The following PDE3B variants were observed in gnomAD, a reference collection of about 807,000 sequenced individuals.
PDE3B encodes cGMP-inhibited 3',5'-cyclic phosphodiesterase 3B.
A neutral mutation model predicts 116.8 loss-of-function variants in PDE3B; 66 were observed. That is an observed-to-expected ratio of 0.56 (90% CI 0.46 to 0.69). The LOEUF is 0.69. Ranked by LOEUF, PDE3B falls within the 30% of genes least tolerant of loss-of-function variation. The pLI, the probability that PDE3B is intolerant of heterozygous loss-of-function variation, is 0.00. For synonymous variants in PDE3B, 595 were observed against 533.6 expected (o/e 1.12, Z -1.59); for missense variants, 1,384 against 1,368.1 (o/e 1.01, Z -0.18).
rs1268009260 is a variant in PDE3B at position 14,869,398 on chromosome 11, A to G, written c.3140-63A>G. The G allele has an allele frequency of 1.0e-5, 14 of 1,401,336 alleles. 1 individual carries two copies. In the East Asian group the frequency reaches 1.4e-4, roughly 14 times the overall value. The allele number at this position is 1,401,336 out of a possible 1,614,324, so 86.8% of individuals were successfully genotyped here. A position where few individuals can be genotyped will look rare whatever the true frequency, so the allele number is the denominator to read the frequency against. On this transcript the variant is annotated intron_variant, in intron 15 of 15. Transcript: ENST00000282096. Reference sequence around the variant, plus strand: ...CTTAGATACCTAGAATAGGCACTTAATATTTGTTGAATGATTAAATCATAT... The same window carrying G: ...CTTAGATACCTAGAATAGGCACTTAGTATTTGTTGAATGATTAAATCATAT...
At chr11:14,865,575 GT>G (rs1555007913) in intron 14 of PDE3B, among the ~76,000 whole-genome samples, 3 of 152,094 alleles carry the variant, frequency 2.0e-5, no homozygotes, top group African/African-American at 7.2e-5. Flanking sequence ...ATACTCTGCT[GT>G]TTATAAGTTA....
intron 11 of PDE3B, among the ~76,000 whole-genome samples, chr11:14,840,885 G>C (rs1860200867): frequency 6.6e-6 from 1 of 152,106 alleles, no homozygotes; most frequent in Admixed American, 6.5e-5. Context: ...TGGACAAGGT[G>C]TTTTAGTTAG....
At chr11:14,666,287 A>G (rs1371049791) in intron 1 of PDE3B, among the ~76,000 whole-genome samples, 3 of 149,486 alleles carry the variant, frequency 2.0e-5, no homozygotes, top group African/African-American at 7.5e-5. Context: ...TTAATTCAAG[A>G]TGGATTAAAG....
intron 1 of PDE3B, among the ~76,000 whole-genome samples, chr11:14,734,597 T>A (rs1304693020): frequency 6.6e-6 from 1 of 152,208 alleles, no homozygotes; most frequent in East Asian, 1.9e-4. Flanking sequence ...ATATTAATAA[T>A]ATGAAGTATA....
rs1207065287 is a variant in PDE3B at position 14,660,328 on chromosome 11, G to A, written c.978+15275G>A. Reference sequence around the variant, plus strand: ...TCTTTTTTTTTTTTTTTGAGGTGGGGTCTCGCCCTGTTGCCCAGGCTGGAG... The same window carrying A: ...TCTTTTTTTTTTTTTTTGAGGTGGGATCTCGCCCTGTTGCCCAGGCTGGAG... On this transcript the variant is annotated intron_variant, in intron 1 of 15. Transcript: ENST00000282096. Among the ~76,000 whole-genome samples the A allele has an allele frequency of 4.7e-5, 7 of 150,258 alleles. No homozygotes were observed. In the East Asian group the frequency reaches 1.4e-3, roughly 29 times the overall value.
the PDE3B span, among the ~76,000 whole-genome samples, chr11:14,889,921 G>T: frequency 6.6e-6 from 1 of 152,082 alleles, no homozygotes; most frequent in Non-Finnish European, 1.5e-5. Flanking sequence ...GAGGTCAGGA[G>T]ATCGAGACCA....
At chr11:14,702,814 C>T (rs1855408829) in intron 1 of PDE3B, among the ~76,000 whole-genome samples, 1 of 151,766 alleles carries the variant, frequency 6.6e-6, no homozygotes, top group Non-Finnish European at 1.5e-5. Context: ...TATAACATAC[C>T]TTAGAATTGT....
chr11:14,722,071 A>T (rs894185418), intron 1 of PDE3B, among the ~76,000 whole-genome samples: 1 of 151,350 alleles, frequency 6.6e-6, no homozygotes, highest in South Asian at 2.1e-4. Flanking sequence ...AAAAAACAAA[A>T]CACCGCATGT....
At chr11:14,762,549 C>T (rs1408162923) in intron 1 of PDE3B, among the ~76,000 whole-genome samples, 4 of 152,092 alleles carry the variant, frequency 2.6e-5, no homozygotes, top group Non-Finnish European at 5.9e-5. Context: ...TAGGCTTTTA[C>T]TCAGGTTGAG....
Position 14,687,173 on chromosome 11 carries a change from AAAGTT to A in PDE3B, c.978+42124_978+42128del, listed in dbSNP as rs1323751607. 9.8e-5 allele frequency among the ~76,000 whole-genome samples: 15 copies of A among 152,326 alleles called. No individual in the cohort carries two copies. The East Asian group carries it at 1.2e-3, about 12-fold the overall frequency. ...ATGAATTAGCCGAACAATTTGAACA[AAAGTT>A]AAGATAATAGACATTTAGAATGCTT... On this transcript the variant is annotated intron_variant, in intron 1 of 15. Transcript: ENST00000282096.
chr11:14,710,707 A>G (rs1248608482), intron 1 of PDE3B, among the ~76,000 whole-genome samples: 4 of 152,184 alleles, frequency 2.6e-5, no homozygotes, highest in Non-Finnish European at 4.4e-5. Flanking sequence ...GGGAGGGCGA[A>G]AAAGAGAGGG....
At chr11:14,799,826 A>T (rs371401005) in intron 4 of PDE3B, among the ~76,000 whole-genome samples, 29 of 136,308 alleles carry the variant, frequency 2.1e-4, no homozygotes, top group African/African-American at 7.5e-4. Context: ...TTTGAGCCTG[A>T]TGTGTCTTTA....
intron 1 of PDE3B, among the ~76,000 whole-genome samples, chr11:14,742,235 G>GT (rs1856795351): frequency 6.6e-6 from 1 of 152,110 alleles, no homozygotes; most frequent in Non-Finnish European, 1.5e-5. Flanking sequence ...CAAATCAAAC[G>GT]CAATTTGGTC....
intron 1 of PDE3B, among the ~76,000 whole-genome samples, chr11:14,693,090 A>G (rs1855092896): frequency 6.6e-6 from 1 of 152,228 alleles, no homozygotes; most frequent in Admixed American, 6.5e-5. Flanking sequence ...ACCAGTCAGA[A>G]CATTTCCTTA....
chr11:14,726,600 A>C (rs1856312609), intron 1 of PDE3B, among the ~76,000 whole-genome samples: 1 of 152,330 alleles, frequency 6.6e-6, no homozygotes, highest in Admixed American at 6.5e-5. Context: ...TTCATTTATA[A>C]ATCAGATTAG....
intron 1 of PDE3B, among the ~76,000 whole-genome samples, chr11:14,730,994 C>T (rs1856441447): frequency 6.6e-6 from 1 of 152,164 alleles, no homozygotes; most frequent in Non-Finnish European, 1.5e-5. Context: ...GAAAAATTAA[C>T]TTACTTTTTT....
At chr11:14,696,459 C>G (rs2133812274) in intron 1 of PDE3B, among the ~76,000 whole-genome samples, 1 of 152,188 alleles carries the variant, frequency 6.6e-6, no homozygotes, top group East Asian at 1.9e-4. Flanking sequence ...AGAACACTTC[C>G]AGTGAGTGAA....
intron 12 of PDE3B, among the ~76,000 whole-genome samples, chr11:14,857,239 T>C (rs1847868745): frequency 6.6e-6 from 1 of 152,228 alleles, no homozygotes; most frequent in Admixed American, 6.5e-5. Flanking sequence ...GATGTTAGTT[T>C]ATTGCAGCTC....
Position 14,644,619 on chromosome 11 carries a change from G to C in PDE3B, c.544G>C (p.Gly182Arg). The C allele has an allele frequency of 6.5e-7, 1 of 1,530,588 alleles. No individual in the cohort carries two copies. Among genetic ancestry groups the C allele is most frequent in the Non-Finnish European group, 8.8e-7 (1 of 1,141,278 alleles). The allele number at this position is 1,530,588 out of a possible 1,614,324, so 94.8% of individuals were successfully genotyped here. ...TTGGCCTTGGGGGGATGGCGACGCA[G>C]GGTCCGCGGCCCCGCACACGCCCCC... ...WSWPWGDGDA[G>R]SAAPHTPPEA... is the part of the protein sequence containing the mutation. The change falls in exon 1 of 16, where the codon GGG becomes CGG. Residue 182 changes from glycine (G) to arginine (R), a missense_variant. Gly to Arg is a moderately radical substitution (Grantham distance 125). Transcript: ENST00000282096.
Sources: allele counts gnomAD v4.1 joint callset (sites outside exome capture counted in the v4.1 genomes callset), GRCh38; gene constraint gnomAD v4.1.1; transcripts MANE v1.5; gene names NCBI Gene and HGNC (gene_info 2026-07-23, HGNC 2026-07-21).